The following CAMTA1 variants were observed in gnomAD, a reference collection of about 807,000 sequenced individuals.
The protein encoded by CAMTA1 is calmodulin binding transcription activator 1.
In CAMTA1, 27 loss-of-function variants were observed where a neutral mutation model predicts 170.9. That is an observed-to-expected ratio of 0.16 (90% CI 0.12 to 0.22). The LOEUF is 0.22. Ranked by LOEUF, CAMTA1 falls within the 10% of genes least tolerant of loss-of-function variation. The pLI is 1.00. For missense variants in CAMTA1, 1,619 were observed against 2,217.2 expected, an observed-to-expected ratio of 0.73 and a Z score of 5.42; for synonymous variants, 833 against 891.5, an observed-to-expected ratio of 0.93 and a Z score of 1.17.
chr1:7,515,698 A>G (rs1575745834), intron 6 of CAMTA1, among the ~76,000 whole-genome samples: 1 of 152,120 alleles, frequency 6.6e-6, no homozygotes, highest in African/African-American at 2.4e-5. Context: ...CAGGCTCCCA[A>G]GTTCCCCTCC....
chr1:7,673,875 G>A lies in CAMTA1; in HGVS notation c.2779+2838G>A, dbSNP rs1187271685. Among the ~76,000 whole-genome samples the A allele has an allele frequency of 6.6e-6, 1 of 152,204 alleles. No individual in the cohort carries two copies. The highest frequency in any genetic ancestry group is 1.9e-4 in the East Asian group (1 of 5,196). ...GCACAGAGTAGGGGCCTGGAATGGA[G>A]CAAACAATAAGACCCAGCTTCTCAC... On this transcript the variant is annotated intron_variant, in intron 10 of 22. Transcript: ENST00000303635. The surrounding 1 kb of genome is among the most constrained non-coding windows in gnomAD (Gnocchi z 4.6).
intron 3 of CAMTA1, among the ~76,000 whole-genome samples, chr1:6,941,896 AG>A (rs1397996051): frequency 2.0e-5 from 3 of 151,816 alleles, no homozygotes; most frequent in Non-Finnish European, 2.9e-5. Flanking sequence ...GAGAGGTGGG[AG>A]CCTTGGCTTG....
chr1:7,086,838 C>A (rs554179903), intron 3 of CAMTA1, among the ~76,000 whole-genome samples: 28 of 152,330 alleles, frequency 1.8e-4, no homozygotes, highest in African/African-American at 6.5e-4. Context: ...TGGGGTAGGT[C>A]CACCTCTTGG....
chr1:7,493,518 C>T (rs1351849686), intron 6 of CAMTA1, among the ~76,000 whole-genome samples: 1 of 152,208 alleles, frequency 6.6e-6, no homozygotes, highest in Non-Finnish European at 1.5e-5. Flanking sequence ...CACACACGCG[C>T]AGGGGCACAC....
chr1:7,620,764 G>A lies in CAMTA1; in HGVS notation c.511-19636G>A, dbSNP rs755581124. Among the ~76,000 whole-genome samples the A allele has an allele frequency of 5.9e-5, 9 of 152,280 alleles. No homozygotes were observed. The South Asian group carries it at 1.2e-3, about 21-fold the overall frequency. On this transcript the variant is annotated intron_variant, in intron 6 of 22. Coordinates refer to ENST00000303635, the MANE Select transcript of CAMTA1 (RefSeq NM_015215.4). ...GTAGAGAAGCTATGATTTAGAGGCA[G>A]GCAAGTCCCCTGAGGCAAATTTTGG... is the stretch of plus-strand genomic sequence containing the variant.
intron 3 of CAMTA1, among the ~76,000 whole-genome samples, chr1:6,865,040 A>G (rs1666106700): frequency 1.3e-5 from 2 of 152,194 alleles, no homozygotes; most frequent in African/African-American, 4.8e-5. Flanking sequence ...TCTGGGCTCA[A>G]GCAGTCTTCC....
At chr1:7,201,240 T>C (rs1182356819) in intron 4 of CAMTA1, among the ~76,000 whole-genome samples, 3 of 152,266 alleles carry the variant, frequency 2.0e-5, no homozygotes, top group African/African-American at 7.2e-5. Context: ...CTTCATTCTT[T>C]TTTATGGCTG....
At chr1:7,684,690 A>ATTACTAATTACATTTGTAAT (rs1203494648) in intron 11 of CAMTA1, among the ~76,000 whole-genome samples, 6 of 152,216 alleles carry the variant, frequency 3.9e-5, no homozygotes, top group Non-Finnish European at 7.3e-5. Flanking sequence ...GTCTTAATGA[A>ATTACTAATTACATTTGTAAT]TTACTAATTA....
At chr1:7,103,049 G>C (rs561317684) in intron 4 of CAMTA1, among the ~76,000 whole-genome samples, 2 of 152,082 alleles carry the variant, frequency 1.3e-5, no homozygotes, top group South Asian at 4.2e-4. Context: ...TCAAGTGCAG[G>C]GAGAGGCTGC....
chr1:6,846,351 A>G lies in CAMTA1; in HGVS notation c.234+21141A>G, dbSNP rs77272816. Among the ~76,000 whole-genome samples the G allele has an allele frequency of 6.6e-3, 1,011 of 152,230 alleles. 12 individuals carry two copies. The highest frequency in any genetic ancestry group is 0.023 in the African/African-American group (935 of 41,546). On this transcript the variant is annotated intron_variant, in intron 3 of 22. Coordinates refer to ENST00000303635, the MANE Select transcript of CAMTA1 (RefSeq NM_015215.4). ...AAACTATTGGAAAATGCCCTTATCT[A>G]CTCTCCATTTACGTGGAGCCACTTT...
intron 1 of CAMTA1, among the ~76,000 whole-genome samples, chr1:6,812,843 C>T (rs1570337188): frequency 6.6e-6 from 1 of 152,192 alleles, no homozygotes; most frequent in East Asian, 1.9e-4. Flanking sequence ...CTGTGTCAGC[C>T]TCTTAGAACT....
intron 3 of CAMTA1, among the ~76,000 whole-genome samples, chr1:6,864,042 C>T (rs1309172458): frequency 2.0e-5 from 3 of 152,144 alleles, no homozygotes; most frequent in Non-Finnish European, 4.4e-5. Flanking sequence ...GGAAGGAAGA[C>T]CACAGCGGCA....
rs976234401 is a variant in CAMTA1, at chr1:6,986,061, G to A, written c.235-105243G>A. Reference sequence around the variant, plus strand: ...AGACTTTTACAAGGTGGTTCCTCGGGACAGCCCCCACTGGCTGCTCCCTGC... The same window carrying A: ...AGACTTTTACAAGGTGGTTCCTCGGAACAGCCCCCACTGGCTGCTCCCTGC... On this transcript the variant is annotated intron_variant, in intron 3 of 22. Transcript: ENST00000303635. Among the ~76,000 whole-genome samples the A allele has an allele frequency of 5.3e-5, 8 of 152,194 alleles. 1 individual carries two copies. Among genetic ancestry groups the A allele is most frequent in the African/African-American group, 1.4e-4 (6 of 41,460 alleles).
intron 1 of CAMTA1, among the ~76,000 whole-genome samples, chr1:6,785,802 C>T (rs1249057005): frequency 7.4e-6 from 1 of 135,012 alleles, no homozygotes; most frequent in Admixed American, 7.1e-5. Context: ...CACACCCCAC[C>T]CCCGGGGGCG....
chr1:7,254,442 C>G (rs1667069368), intron 5 of CAMTA1, among the ~76,000 whole-genome samples: 1 of 152,168 alleles, frequency 6.6e-6, no homozygotes, highest in Non-Finnish European at 1.5e-5. Flanking sequence ...GGTGGAAACA[C>G]CAGCCCCTCA....
intron 3 of CAMTA1, among the ~76,000 whole-genome samples, chr1:6,830,889 G>T (rs547218271): frequency 6.6e-6 from 1 of 152,128 alleles, no homozygotes; most frequent in South Asian, 2.1e-4. Context: ...CGTGATCTCG[G>T]CTCACTGCAA....
At chr1:6,973,132 A>G (rs1692823961) in intron 3 of CAMTA1, among the ~76,000 whole-genome samples, 1 of 152,210 alleles carries the variant, frequency 6.6e-6, no homozygotes, top group African/African-American at 2.4e-5. Flanking sequence ...GATTACAGGC[A>G]TGAGCCACCA....
At chr1:7,579,559 T>C (rs1383543160) in intron 6 of CAMTA1, among the ~76,000 whole-genome samples, 3 of 116,176 alleles carry the variant, frequency 2.6e-5, no homozygotes, top group South Asian at 5.3e-4. Flanking sequence ...TTTCTTTTTT[T>C]TTTTTTTTTT....
chr1:7,578,178 T>C (rs1002637362), intron 6 of CAMTA1, among the ~76,000 whole-genome samples: 1 of 152,180 alleles, frequency 6.6e-6, no homozygotes, highest in South Asian at 2.1e-4. Flanking sequence ...CATGTCTCTC[T>C]TGAAACACAG....
Sources: allele counts gnomAD v4.1 joint callset (sites outside exome capture counted in the v4.1 genomes callset), GRCh38; gene constraint gnomAD v4.1.1; non-coding constraint Gnocchi (gnomAD v3.1); transcripts MANE v1.5; gene names NCBI Gene and HGNC (gene_info 2026-07-23, HGNC 2026-07-21).